SOHLH2: variants seen among roughly 807,000 people sequenced by gnomAD.
SOHLH2 encodes spermatogenesis- and oogenesis-specific basic helix-loop-helix-containing protein 2.
In SOHLH2, 22 loss-of-function variants were observed where a neutral mutation model predicts 50.4. The ratio of observed to expected loss-of-function variants is 0.44; its 90% CI spans 0.31 to 0.62. SOHLH2 has a LOEUF of 0.62. SOHLH2 is among the 20% of genes least tolerant of loss of function. The pLI is 0.08. For synonymous variants in SOHLH2, 185 were observed against 187.3 expected (o/e 0.99, Z 0.10); for missense variants, 412 against 504.4 (o/e 0.82, Z 1.76).
At chr13:36,194,046 G>A (rs1259700794) in intron 2 of SOHLH2, among the ~76,000 whole-genome samples, 179 bp from the exon 3 acceptor site, 1 of 151,300 alleles carries the variant, frequency 6.6e-6, no homozygotes, top group Non-Finnish European at 1.5e-5. Context: ...TGAGGAAAGA[G>A]ATGAATCACT....
At chr13:36,180,462 TTC>T (rs985972032) in intron 6 of SOHLH2, among the ~76,000 whole-genome samples, 19 of 152,310 alleles carry the variant, frequency 1.2e-4, no homozygotes, top group African/African-American at 4.3e-4. Flanking sequence ...ATATATTGCA[TTC>T]TCTTTTTTTA....
chr13:36,195,523 T>C (rs1887699669), intron 2 of SOHLH2, among the ~76,000 whole-genome samples: 1 of 151,934 alleles, frequency 6.6e-6, no homozygotes, highest in Non-Finnish European at 1.5e-5. Context: ...TGAAGAAAAA[T>C]GGGCAACGGA....
At chr13:36,186,231 T>G (rs1188202775) in intron 6 of SOHLH2, among the ~76,000 whole-genome samples, 1 of 151,876 alleles carries the variant, frequency 6.6e-6, no homozygotes, top group Admixed American at 6.6e-5. Context: ...CTGACAAAAT[T>G]TTACATCCAT....
At chr13:36,196,123 G>T (rs1051543179) in intron 2 of SOHLH2, among the ~76,000 whole-genome samples, 10 of 128,312 alleles carry the variant, frequency 7.8e-5, no homozygotes, top group African/African-American at 2.5e-4. Flanking sequence ...TAGATAGATA[G>T]ATAATTTTTT....
chr13:36,178,785 A>G (rs909682230), intron 6 of SOHLH2, among the ~76,000 whole-genome samples: 1 of 151,352 alleles, frequency 6.6e-6, no homozygotes, highest in Non-Finnish European at 1.5e-5. Context: ...AACTTTTCAT[A>G]GTAACATTTT....
chr13:36,173,591 C>G lies in SOHLH2; in HGVS notation c.1000+101G>C, dbSNP rs960793502. On this transcript the variant is annotated intron_variant, in intron 9 of 10. Transcript: ENST00000379881. Reference sequence around the variant, plus strand: ...AATACCAGAAGGACTCATCAGCTCTCCTGGATTCCCTGGTTATGGTGGTGA... The same window carrying G: ...AATACCAGAAGGACTCATCAGCTCTGCTGGATTCCCTGGTTATGGTGGTGA... The G allele has an allele frequency of 8.5e-6, 12 of 1,404,300 alleles. No individual in the cohort carries two copies. The Admixed American group carries it at 1.4e-4, about 16-fold the overall frequency. 87.0% of individuals were successfully genotyped at this position (1,404,300 alleles called of 1,614,324 possible).
At chr13:36,186,241 T>C (rs1174809291) in intron 6 of SOHLH2, among the ~76,000 whole-genome samples, 1 of 152,154 alleles carries the variant, frequency 6.6e-6, no homozygotes, top group Non-Finnish European at 1.5e-5. Flanking sequence ...TTTACATCCA[T>C]TCATGATAAA....
intron 2 of SOHLH2, among the ~76,000 whole-genome samples, chr13:36,195,684 G>A (rs1887703880): frequency 6.6e-6 from 1 of 152,328 alleles, no homozygotes; most frequent in South Asian, 2.1e-4. Context: ...GGTAAGGAAA[G>A]CGGGCATACC....
intron 1 of SOHLH2, 61 bp from the exon 2 acceptor site, chr13:36,202,154 T>C (rs1868457932): frequency 5.0e-6 from 8 of 1,584,744 alleles, no homozygotes; most frequent in Non-Finnish European, 6.9e-6. Context: ...GAAAATGTCA[T>C]GTATGAGAGG....
At chr13:36,173,105 T>A (rs540885266) in intron 9 of SOHLH2, among the ~76,000 whole-genome samples, 1 of 152,308 alleles carries the variant, frequency 6.6e-6, no homozygotes, top group South Asian at 2.1e-4. Context: ...ATAATGAGAT[T>A]TCTTGAGCCC....
chr13:36,168,553 A>G lies in SOHLH2; in HGVS notation c.*481T>C. On this transcript the variant is annotated 3_prime_UTR_variant, in exon 11 of 11. Coordinates refer to ENST00000379881, the MANE Select transcript of SOHLH2 (RefSeq NM_017826.3). ...TGAATGAAGAAGGAAACTCTCTAAA[A>G]TGTCAAATAAGGAAAAGACCACCTA... The G allele has an allele frequency of 6.4e-6, 1 of 155,818 alleles. No homozygotes were observed. The highest frequency in any genetic ancestry group is 1.4e-5 in the Non-Finnish European group (1 of 70,544). 9.7% of individuals were successfully genotyped at this position (155,818 alleles called of 1,614,324 possible). A position where few individuals can be genotyped will look rare whatever the true frequency, so the allele number is the denominator to read the frequency against.
chr13:36,173,081 C>CA (rs1887003748), intron 9 of SOHLH2, among the ~76,000 whole-genome samples: 1 of 152,196 alleles, frequency 6.6e-6, no homozygotes, highest in African/African-American at 2.4e-5. Flanking sequence ...ATTTGTTCCA[C>CA]AATGAATATT....
chr13:36,201,471 T>A (rs1176419346), intron 2 of SOHLH2, among the ~76,000 whole-genome samples: 1 of 117,920 alleles, frequency 8.5e-6, no homozygotes, highest in Non-Finnish European at 1.8e-5. Flanking sequence ...CATGAAAATA[T>A]CCCTCATTTT....
chr13:36,202,692 GTA>G (rs1343157657), intron 1 of SOHLH2, among the ~76,000 whole-genome samples: 1 of 152,150 alleles, frequency 6.6e-6, no homozygotes, highest in Non-Finnish European at 1.5e-5. Context: ...TTTTATTTCT[GTA>G]TGTTTTATTC....
At chr13:36,202,192 A>G (rs1467012702) in intron 1 of SOHLH2, 99 bp from the exon 2 acceptor site, 2 of 1,397,172 alleles carry the variant, frequency 1.4e-6, no homozygotes, top group East Asian at 4.9e-5. Context: ...CACAAATAAC[A>G]CAACAATTGA....
At chr13:36,193,288 C>T (rs1222700368) in intron 4 of SOHLH2, among the ~76,000 whole-genome samples, 1 of 152,100 alleles carries the variant, frequency 6.6e-6, no homozygotes, top group South Asian at 2.1e-4. Context: ...AGGTTAGGGC[C>T]CCTGGCTTTT....
At chr13:36,184,460 C>CTTTTTTGTTTTT (rs1887348400) in intron 6 of SOHLH2, among the ~76,000 whole-genome samples, 1 of 121,138 alleles carries the variant, frequency 8.3e-6, no homozygotes, top group Non-Finnish European at 1.8e-5. Context: ...CTACAAAGAC[C>CTTTTTTGTTTTT]TTTTTTTTTT....
Position 36,169,074 on chromosome 13 carries a change from A to T in SOHLH2, c.1258-20T>A. 1 of 1,603,482 alleles carries T rather than the reference A, an allele frequency of 6.2e-7. No individual in the cohort carries two copies. Among genetic ancestry groups the T allele is most frequent in the Non-Finnish European group, 8.5e-7 (1 of 1,176,732 alleles). On this transcript the variant is annotated intron_variant, in intron 10 of 10. Coordinates refer to ENST00000379881, the MANE Select transcript of SOHLH2 (RefSeq NM_017826.3). Reference sequence around the variant, plus strand: ...CTGTTGCTGCAAAGAAGGGGGAAAAACCCACATTAATTGAATCCTCACCCA... The same window carrying T: ...CTGTTGCTGCAAAGAAGGGGGAAAATCCCACATTAATTGAATCCTCACCCA...
chr13:36,189,770 C>T (rs1051389042), intron 6 of SOHLH2, among the ~76,000 whole-genome samples, 176 bp downstream of exon 6: 2 of 152,170 alleles, frequency 1.3e-5, no homozygotes, highest in Non-Finnish European at 2.9e-5. Context: ...GCATGCACTG[C>T]AGACTCAGAA....
Sources: allele counts gnomAD v4.1 joint callset (sites outside exome capture counted in the v4.1 genomes callset), GRCh38; gene constraint gnomAD v4.1.1; transcripts MANE v1.5; gene names NCBI Gene and HGNC (gene_info 2026-07-23, HGNC 2026-07-21).